The following RAPGEF2 variants were observed in gnomAD, a reference collection of about 807,000 sequenced individuals.
RAPGEF2 encodes the protein Rap guanine nucleotide exchange factor 2, also known as PDZ domain containing guanine nucleotide exchange factor (GEF) 1.
RAPGEF2 carries 54 observed loss-of-function variants against 186.7 expected under a neutral mutation model. The ratio of observed to expected loss-of-function variants is 0.29; its 90% CI spans 0.23 to 0.36. The LOEUF (loss-of-function observed/expected upper bound fraction) is 0.36, where lower values mean the gene tolerates loss of function less well. RAPGEF2 is among the 10% of genes least tolerant of loss of function. RAPGEF2 has a pLI of 1.00. For missense variants in RAPGEF2, 1,532 were observed against 2,045.0 expected, an observed-to-expected ratio of 0.75 and a Z score of 4.84; for synonymous variants, 712 against 705.9, an observed-to-expected ratio of 1.01 and a Z score of -0.14.
chr4:159,259,373 A>G (rs967358275), intron 7 of RAPGEF2, among the ~76,000 whole-genome samples: 3 of 152,226 alleles, frequency 2.0e-5, no homozygotes, highest in African/African-American at 7.2e-5. Flanking sequence ...TGACTGAGCT[A>G]TATTTGCAGC....
Position 159,193,965 on chromosome 4 carries a change from A to G in RAPGEF2, c.197+709A>G, listed in dbSNP as rs189215974. ...TTAAGGAGTTCATAATCTGTTGAGGAAGGTAGAAATAGAATACAAGGAAAA... is the reference window on the plus strand; with the variant it reads ...TTAAGGAGTTCATAATCTGTTGAGGGAGGTAGAAATAGAATACAAGGAAAA... On this transcript the variant is annotated intron_variant, in intron 3 of 29. Transcript: ENST00000691494. Among the ~76,000 whole-genome samples, 332 of 152,302 alleles carry G rather than the reference A, an allele frequency of 2.2e-3. 2 individuals carry two copies. The highest frequency in any genetic ancestry group is 7.4e-3 in the African/African-American group (308 of 41,562).
intron 4 of RAPGEF2, among the ~76,000 whole-genome samples, chr4:159,218,673 G>A (rs991685396): frequency 3.5e-4 from 53 of 152,076 alleles, no homozygotes; most frequent in African/African-American, 1.3e-3. Flanking sequence ...CATGAGAATC[G>A]CTTGAACCCA....
At chr4:159,166,427 G>A (rs953711290) in intron 1 of RAPGEF2, among the ~76,000 whole-genome samples, 6 of 152,322 alleles carry the variant, frequency 3.9e-5, no homozygotes, top group South Asian at 2.1e-4. Flanking sequence ...GGGTGAGTGC[G>A]TCTAGAGGAA....
At chr4:159,344,513 T>C (rs1444177670) in intron 23 of RAPGEF2, among the ~76,000 whole-genome samples, 3 of 152,198 alleles carry the variant, frequency 2.0e-5, no homozygotes, top group Non-Finnish European at 4.4e-5. Flanking sequence ...CTCAACTAAC[T>C]ACTATTTTCA....
chr4:159,344,307 T>C (rs1729976899), intron 23 of RAPGEF2, among the ~76,000 whole-genome samples: 2 of 152,190 alleles, frequency 1.3e-5, no homozygotes, highest in Admixed American at 1.3e-4. Context: ...AGGCCAGTTT[T>C]TCTGAGCTCT....
At chr4:159,315,721 A>G (rs1319891469) in intron 9 of RAPGEF2, among the ~76,000 whole-genome samples, 1 of 151,990 alleles carries the variant, frequency 6.6e-6, no homozygotes, top group East Asian at 1.9e-4. Flanking sequence ...GCCGAGGCAG[A>G]GAGAGAGAGG....
At chr4:159,251,841 G>C (rs534058841) in intron 7 of RAPGEF2, among the ~76,000 whole-genome samples, 7 of 151,712 alleles carry the variant, frequency 4.6e-5, no homozygotes, top group African/African-American at 7.3e-5. Flanking sequence ...TAAACAGGCT[G>C]CCCAGTTTGC....
At chr4:159,181,155 C>T (rs2111276408) in intron 1 of RAPGEF2, among the ~76,000 whole-genome samples, 1 of 152,252 alleles carries the variant, frequency 6.6e-6, no homozygotes, top group African/African-American at 2.4e-5. Context: ...GCCACTTGAT[C>T]AGTGAGCTAG....
chr4:159,159,408 G>T (rs1478272910), intron 1 of RAPGEF2, among the ~76,000 whole-genome samples: 1 of 149,806 alleles, frequency 6.7e-6, no homozygotes, highest in African/African-American at 2.5e-5. Flanking sequence ...ATGTTTTCAA[G>T]AAAACTGAGT....
intron 1 of RAPGEF2, among the ~76,000 whole-genome samples, chr4:159,169,295 T>C (rs1486906167): frequency 6.6e-6 from 1 of 152,230 alleles, no homozygotes; most frequent in African/African-American, 2.4e-5. Flanking sequence ...ATTCTGCTGT[T>C]CTCTTGTTTT....
rs867045639 is a variant in RAPGEF2, at chr4:159,234,561, T to C, written c.282-4248T>C. On this transcript the variant is annotated intron_variant, in intron 4 of 29. Coordinates refer to ENST00000691494, the MANE Select transcript of RAPGEF2 (RefSeq NM_001394067.2). Reference sequence around the variant, plus strand: ...CCATGCCCGGCTAATTTTTTTTTTTTTTTTTTTTTTTTGAGACAGAGTCTC... The same window carrying C: ...CCATGCCCGGCTAATTTTTTTTTTTCTTTTTTTTTTTTGAGACAGAGTCTC... 5.8e-3 allele frequency among the ~76,000 whole-genome samples: 856 copies of C among 147,110 alleles called. 4 individuals carry two copies. Among genetic ancestry groups the C allele is most frequent in the Middle Eastern group, 0.01 (3 of 292 alleles).
chr4:159,265,442 T>C (rs1050478287), intron 7 of RAPGEF2, among the ~76,000 whole-genome samples: 1 of 152,078 alleles, frequency 6.6e-6, no homozygotes, highest in Non-Finnish European at 1.5e-5. Flanking sequence ...GAAGGAAAGT[T>C]TCAGGCAGAG....
intron 3 of RAPGEF2, among the ~76,000 whole-genome samples, chr4:159,199,057 C>CAA (rs749062756): frequency 0.036 from 2,860 of 80,208 alleles, 42 homozygotes; most frequent in Non-Finnish European, 0.041. Flanking sequence ...GACCCTGTCT[C>CAA]AAAAAAAAAA....
At chr4:159,331,608 T>C in intron 14 of RAPGEF2, 22 bp from the exon 15 acceptor site, 2 of 1,613,518 alleles carry the variant, frequency 1.2e-6, no homozygotes, top group South Asian at 2.2e-5. Flanking sequence ...GAGTTGACAC[T>C]ACTGTTTCTG....
intron 1 of RAPGEF2, among the ~76,000 whole-genome samples, chr4:159,149,714 A>G (rs1377082840): frequency 6.6e-6 from 1 of 152,176 alleles, no homozygotes; most frequent in African/African-American, 2.4e-5. Flanking sequence ...CTGTGTGTAT[A>G]GTACTGTGAG....
intron 1 of RAPGEF2, among the ~76,000 whole-genome samples, chr4:159,132,125 G>T (rs1465731814): frequency 6.6e-6 from 1 of 152,166 alleles, no homozygotes; most frequent in Non-Finnish European, 1.5e-5. Flanking sequence ...TTAGAGAGGG[G>T]CTAGTTGGTC....
intron 1 of RAPGEF2, among the ~76,000 whole-genome samples, chr4:159,138,178 C>T (rs1410066345): frequency 2.6e-5 from 4 of 152,082 alleles, no homozygotes; most frequent in African/African-American, 7.2e-5. Flanking sequence ...CAGTTTTATA[C>T]CACCCCTACG....
intron 3 of RAPGEF2, among the ~76,000 whole-genome samples, chr4:159,209,549 G>T (rs1006474765): frequency 6.6e-6 from 1 of 152,152 alleles, no homozygotes; most frequent in African/African-American, 2.4e-5. Context: ...TGTAATCTCC[G>T]TGAGGGCAGG....
chr4:159,331,007 C>A (rs1034100366), intron 13 of RAPGEF2, among the ~76,000 whole-genome samples: 1 of 152,166 alleles, frequency 6.6e-6, no homozygotes, highest in African/African-American at 2.4e-5. Flanking sequence ...TATCTCCTTC[C>A]TTTTATATTC....
Sources: allele counts gnomAD v4.1 joint callset (sites outside exome capture counted in the v4.1 genomes callset), GRCh38; gene constraint gnomAD v4.1.1; transcripts MANE v1.5; gene names NCBI Gene and HGNC (gene_info 2026-07-23, HGNC 2026-07-21).